SLC5A8: variants seen among roughly 807,000 people sequenced by gnomAD.
SLC5A8 encodes sodium-coupled monocarboxylate transporter 1.
Under a neutral mutation model 71.9 loss-of-function variants are expected in SLC5A8, and 55 were observed. The observed-to-expected ratio is 0.77, with a 90% CI of 0.62 to 0.96. SLC5A8 has a LOEUF of 0.96. Among genes scored for constraint, SLC5A8 ranks in the 40% least tolerant of loss-of-function variants. SLC5A8 has a pLI of 0.00. For missense variants in SLC5A8, 701 were observed against 745.3 expected, an observed-to-expected ratio of 0.94 and a Z score of 0.69; for synonymous variants, 307 against 276.1, an observed-to-expected ratio of 1.11 and a Z score of -1.11.
rs199644337 is a variant in SLC5A8, at chr12:101,187,496, C to G, written c.853G>C (p.Val285Leu). ...QAKLSLYINL[V>L]GLWAILTCSV... ...CATGTGAGGATTGCCCAGAGTCCCA[C>G]AAGATTGATGTAGAGAGACCTAAAG... is the stretch of plus-strand genomic sequence containing the variant. Residue 285 changes from valine to leucine, a missense_variant, in exon 7 of 15, where the codon GTG (valine) becomes CTG (leucine). Coordinates refer to ENST00000536262, the MANE Select transcript of SLC5A8 (RefSeq NM_145913.5). 106 of 1,613,182 alleles carry G rather than the reference C, an allele frequency of 6.6e-5. No homozygotes were observed. The East Asian group carries it at 1.9e-3, about 29-fold the overall frequency.
chr12:101,207,850 T>C (rs536026842), intron 1 of SLC5A8, among the ~76,000 whole-genome samples: 58 of 152,284 alleles, frequency 3.8e-4, no homozygotes, highest in South Asian at 8.3e-4. Flanking sequence ...CCCCTGTCCA[T>C]TTTGCCTTTC....
intron 6 of SLC5A8, 135 bp downstream of exon 6, chr12:101,190,333 A>T: frequency 1.0e-6 from 1 of 966,884 alleles, no homozygotes; most frequent in Non-Finnish European, 1.5e-6. Context: ...GTCCTTTTGT[A>T]ACCAAATATA....
At chr12:101,183,501 T>G (rs1868463025) in intron 8 of SLC5A8, among the ~76,000 whole-genome samples, 1 of 152,000 alleles carries the variant, frequency 6.6e-6, no homozygotes, top group Non-Finnish European at 1.5e-5. Flanking sequence ...TCTAAAAGAG[T>G]CTACATAGAT....
Position 101,202,187 on chromosome 12 carries a change from G to A in SLC5A8, c.446C>T (p.Ala149Val), listed in dbSNP as rs1359827686. The A allele has an allele frequency of 6.2e-7, 1 of 1,607,322 alleles. No homozygotes were observed. Among genetic ancestry groups the A allele is most frequent in the African/African-American group, 1.3e-5 (1 of 74,190 alleles). The change falls in exon 3 of 15, where the codon GCC becomes GTC. Residue 149 changes from alanine to valine, a missense_variant. Transcript: ENST00000536262. ...TILYTGIVIY[A>V]PALALNQVTG... ...ACCTTGATTCAAAGCCAGGGCAGGG[G>A]CATAAATAACAATTCCAGTATACAG...
At chr12:101,201,225 G>A (rs917535711) in intron 3 of SLC5A8, among the ~76,000 whole-genome samples, 1 of 152,202 alleles carries the variant, frequency 6.6e-6, no homozygotes, top group African/African-American at 2.4e-5. Context: ...TGTGATGTTG[G>A]TAATACCGAT....
intron 3 of SLC5A8, 102 bp downstream of exon 3, chr12:101,202,062 A>T: frequency 8.8e-7 from 1 of 1,133,660 alleles, no homozygotes; most frequent in Non-Finnish European, 1.3e-6. Context: ...GCAGGTTACT[A>T]GAAGCATTCC....
Position 101,190,105 on chromosome 12 carries a change from A to T in SLC5A8, c.833+363T>A, listed in dbSNP as rs547131033. ...CTCTATTGCTATATCATTTCATGAAACTGTTACATATCTCCAGTATTATTT... is the reference window on the plus strand; with the variant it reads ...CTCTATTGCTATATCATTTCATGAATCTGTTACATATCTCCAGTATTATTT... On this transcript the variant is annotated intron_variant, in intron 6 of 14. Transcript: ENST00000536262. 2.0e-4 allele frequency among the ~76,000 whole-genome samples: 30 copies of T among 152,288 alleles called. No individual in the cohort carries two copies. In the South Asian group the frequency reaches 6.2e-3, roughly 32 times the overall value.
intron 9 of SLC5A8, among the ~76,000 whole-genome samples, chr12:101,180,679 A>T (rs912661814): frequency 2.6e-5 from 4 of 152,110 alleles, no homozygotes; most frequent in African/African-American, 9.7e-5. Context: ...TAAGTAGCAC[A>T]TCTGCCCTAA....
chr12:101,168,096 A>C lies in SLC5A8; in HGVS notation c.1320T>G (p.Ile440Met). 6.2e-7 allele frequency: 1 copy of C among 1,605,668 alleles called. No homozygotes were observed. Residue 440 changes from isoleucine (I) to methionine (M), a missense_variant and splice_region_variant, in exon 11 of 15, where the codon ATT becomes ATG. Transcript: ENST00000536262. ...LGILVPFANS[I>M]GALVGLMAGF... ...AAGCATATTCATTCTTTGTACTTAC[A>C]ATTGAGTTGGCAAAGGGAACCAAAA...
rs775397514 is a variant in SLC5A8 at position 101,184,107 on chromosome 12, A to G, written c.1052+27T>C. On this transcript the variant is annotated intron_variant, in intron 8 of 14. Coordinates refer to ENST00000536262, the MANE Select transcript of SLC5A8 (RefSeq NM_145913.5). The stretch of plus-strand genomic sequence containing the variant: ...AAAGAAAGATCCCAACAGGGAAATC[A>G]TATGTTATTAGAGTCATAGTTCATA... The G allele has an allele frequency of 1.1e-5, 18 of 1,584,016 alleles. No individual in the cohort carries two copies. In the South Asian group the frequency reaches 1.7e-4, roughly 15 times the overall value.
intron 6 of SLC5A8, among the ~76,000 whole-genome samples, chr12:101,187,820 G>T (rs947300869): frequency 1.3e-5 from 2 of 151,984 alleles, no homozygotes; most frequent in African/African-American, 4.8e-5. Context: ...ACTACTTCAG[G>T]TCTTCTTGTC....
chr12:101,160,593 G>A (rs1288737001), intron 13 of SLC5A8, among the ~76,000 whole-genome samples: 1 of 152,174 alleles, frequency 6.6e-6, no homozygotes, highest in East Asian at 1.9e-4. Flanking sequence ...GATGTAGGGA[G>A]TCAGGGAGCC....
chr12:101,184,620 A>ATT (rs1868542402), intron 7 of SLC5A8, among the ~76,000 whole-genome samples: 1 of 152,370 alleles, frequency 6.6e-6, no homozygotes, highest in Admixed American at 6.5e-5. Flanking sequence ...TGAGAATAAT[A>ATT]AGTTGTCTTT....
At position 101,166,481 on chromosome 12, in the gene SLC5A8, CTT is replaced by C. The variant is rs773675703; in HGVS notation, c.1526+11_1526+12del. 103 of 1,603,292 alleles carry C rather than the reference CTT, an allele frequency of 6.4e-5. No homozygotes were observed. The highest frequency in any genetic ancestry group is 8.2e-5 in the Non-Finnish European group (96 of 1,175,460). ...TTTTTTAAAGTATAATGTAATAAAA[CTT>C]AATTCAATACCTTTGAACATTGTAT... On this transcript the variant is annotated intron_variant, in intron 12 of 14. Transcript: ENST00000536262.
intron 10 of SLC5A8, among the ~76,000 whole-genome samples, chr12:101,169,218 A>C (rs1318271141): frequency 3.3e-5 from 5 of 152,244 alleles, no homozygotes; most frequent in Non-Finnish European, 7.3e-5. Flanking sequence ...TTTTGGAGAC[A>C]TAACAAAGAC....
At chr12:101,194,767 G>T (rs1167516145) in intron 4 of SLC5A8, among the ~76,000 whole-genome samples, 2 of 152,142 alleles carry the variant, frequency 1.3e-5, no homozygotes. Context: ...GGGAGCCACT[G>T]TGCCTATGAC....
Position 101,180,106 on chromosome 12 carries a change from C to T in SLC5A8, c.1166-10G>A. On this transcript the variant is annotated splice_polypyrimidine_tract_variant and intron_variant, in intron 9 of 14. Coordinates refer to ENST00000536262, the MANE Select transcript of SLC5A8 (RefSeq NM_145913.5). ...GCTCCATACACCACACCTAAATGGA[C>T]AACATAAAAGCCAGTGTAAAATCCA... is the stretch of plus-strand genomic sequence containing the variant. 3 of 1,613,820 alleles carry T rather than the reference C, an allele frequency of 1.9e-6. No individual in the cohort carries two copies. Among genetic ancestry groups the T allele is most frequent in the South Asian group, 1.1e-5 (1 of 91,072 alleles).
chr12:101,167,933 A>G (rs1284890240), intron 11 of SLC5A8, among the ~76,000 whole-genome samples, 163 bp downstream of exon 11: 3 of 152,200 alleles, frequency 2.0e-5, no homozygotes, highest in East Asian at 1.9e-4. Context: ...GTCCCCATAC[A>G]TAGTACTTCC....
rs1316343242 is a variant in SLC5A8, at chr12:101,166,599, T to C, written c.1421A>G (p.His474Arg). 6.2e-7 allele frequency: 1 copy of C among 1,613,894 alleles called. No homozygotes were observed. Among genetic ancestry groups the C allele is most frequent in the Non-Finnish European group, 8.5e-7 (1 of 1,179,962 alleles). ...GCTGTTACAGCCTTGGATATCAAGG[T>C]GCAATGGCAATGTTCTCTCAGGAAG... ...PPLPERTLPL[H>R]LDIQGCNSTY... Residue 474 changes from histidine to arginine, a missense_variant, in exon 12 of 15, where the codon CAC (histidine) becomes CGC (arginine). By Grantham distance (29) the His-to-Arg change is conservative. Coordinates refer to ENST00000536262, the MANE Select transcript of SLC5A8 (RefSeq NM_145913.5).
Sources: gnomAD v4.1 joint callset for allele counts (sites outside exome capture counted in the v4.1 genomes callset) on GRCh38, gnomAD v4.1.1 for gene constraint, MANE v1.5 for transcripts, NCBI Gene and HGNC (gene_info 2026-07-23, HGNC 2026-07-21) for gene names.